Variants in EPHX2 observed in about 807,000 individuals in gnomAD.
The protein encoded by EPHX2 is epoxide hydrolase 2.
EPHX2 carries 74 observed loss-of-function variants against 78.7 expected under a neutral mutation model. The observed-to-expected ratio is 0.94, with a 90% confidence interval of 0.78 to 1.14. The LOEUF (loss-of-function observed/expected upper bound fraction) is 1.14. Among genes scored for constraint, EPHX2 ranks in the 50% most tolerant of loss-of-function variants. The pLI is 0.00. For synonymous variants in EPHX2, 251 were observed against 255.2 expected, an observed-to-expected ratio of 0.98 and a Z score of 0.16; for missense variants, 715 against 702.5, an observed-to-expected ratio of 1.02 and a Z score of -0.20.
chr8:27,510,255 C>A (rs1814188491), intron 5 of EPHX2, among the ~76,000 whole-genome samples: 1 of 152,126 alleles, frequency 6.6e-6, no homozygotes, highest in South Asian at 2.1e-4. Flanking sequence ...TAAAAGTGAC[C>A]AATCCAGCAG....
At chr8:27,491,405 G>T (rs1813373949) in intron 1 of EPHX2, 96 bp downstream of exon 1, 2 of 910,182 alleles carry the variant, frequency 2.2e-6, no homozygotes, top group Admixed American at 7.3e-5. Context: ...CTCCTGTGCC[G>T]GAGCCCTGCG....
At position 27,544,431 on chromosome 8, in the gene EPHX2, C is replaced by T. The variant is rs747359301; in HGVS notation, c.1590-13C>T. 2 of 1,613,924 alleles carry T rather than the reference C, an allele frequency of 1.2e-6. No individual in the cohort carries two copies. Among genetic ancestry groups the T allele is most frequent in the African/African-American group, 2.7e-5 (2 of 74,880 alleles). On this transcript the variant is annotated splice_polypyrimidine_tract_variant and intron_variant, in intron 18 of 18. Coordinates refer to ENST00000521400, the MANE Select transcript of EPHX2 (RefSeq NM_001979.6). ...ATGGCTATTTTTTTCTTTTACTTCT[C>T]CCTTTCCCCCAGGCCAACCGAGGTG...
intron 1 of EPHX2, among the ~76,000 whole-genome samples, chr8:27,496,827 A>C (rs190799689): frequency 2.0e-5 from 3 of 152,172 alleles, no homozygotes; most frequent in Non-Finnish European, 1.5e-5. Context: ...TTGTCCTTTC[A>C]ATGCCCAGAC....
intron 11 of EPHX2, among the ~76,000 whole-genome samples, chr8:27,524,705 G>A (rs945375954): frequency 6.6e-6 from 1 of 152,098 alleles, no homozygotes; most frequent in Non-Finnish European, 1.5e-5. Flanking sequence ...ATTCTGAAAA[G>A]CCAAGTTCAA....
intron 1 of EPHX2, among the ~76,000 whole-genome samples, chr8:27,496,908 A>G (rs571194577): frequency 6.6e-6 from 1 of 152,282 alleles, no homozygotes; most frequent in African/African-American, 2.4e-5. Flanking sequence ...TATAGAGATA[A>G]TATCTCTAGC....
chr8:27,540,717 C>T, intron 15 of EPHX2, 61 bp downstream of exon 15: 1 of 1,526,428 alleles, frequency 6.6e-7, no homozygotes, highest in Non-Finnish European at 9.1e-7. Flanking sequence ...GGATCTTCAG[C>T]CCTCAGGGTG....
At chr8:27,523,846 G>A (rs1178879121) in intron 11 of EPHX2, among the ~76,000 whole-genome samples, 1 of 152,016 alleles carries the variant, frequency 6.6e-6, no homozygotes, top group Non-Finnish European at 1.5e-5. Context: ...TTACCCTGCA[G>A]ACTGCACAAC....
intron 8 of EPHX2, 134 bp downstream of exon 8, chr8:27,516,532 C>A (rs990317155): frequency 2.5e-6 from 2 of 804,842 alleles, no homozygotes; most frequent in Non-Finnish European, 4.1e-6. Flanking sequence ...TCACCTCTTT[C>A]CTCTCCTACG....
At chr8:27,544,409 G>A (rs1251991178) in intron 18 of EPHX2, 35 bp from the exon 19 acceptor site, 1 of 1,612,502 alleles carries the variant, frequency 6.2e-7, no homozygotes, top group African/African-American at 1.3e-5. Context: ...AGTGTGAATG[G>A]CTATTTTTTT....
chr8:27,516,419 C>T, intron 8 of EPHX2, 21 bp downstream of exon 8: 2 of 1,609,378 alleles, frequency 1.2e-6, no homozygotes, highest in Non-Finnish European at 1.7e-6. Context: ...TGTCTTGCAG[C>T]TGTCTTATGC....
intron 5 of EPHX2, 113 bp from the exon 6 acceptor site, chr8:27,511,723 G>T: frequency 9.2e-7 from 1 of 1,091,358 alleles, no homozygotes; most frequent in South Asian, 1.3e-5. Flanking sequence ...GGAGGGCTCA[G>T]GATGGAGTGG....
chr8:27,525,107 T>TGTGTGTGTGCGC (rs1491544464), intron 11 of EPHX2, among the ~76,000 whole-genome samples: 2 of 103,494 alleles, frequency 1.9e-5, no homozygotes, highest in African/African-American at 7.2e-5. Context: ...TGTGTGTGTG[T>TGTGTGTGTGCGC]GCGCGCGCGC....
At chr8:27,512,082 A>T (rs2132737135) in intron 6 of EPHX2, 172 bp downstream of exon 6, 16 of 344,040 alleles carry the variant, frequency 4.7e-5, no homozygotes, top group Non-Finnish European at 5.3e-5. Context: ...TGGGCAACGG[A>T]GTGAAACCCT....
rs370872626 is a variant in EPHX2, at chr8:27,492,552, C to T, written c.101+1243C>T. ...GTGAGTGTTACACTCGTAAAGATGG[C>T]GCAGACCCAAAGAGTGAGTGATAGC... On this transcript the variant is annotated intron_variant, in intron 1 of 18. Transcript: ENST00000521400. 3.4e-4 allele frequency among the ~76,000 whole-genome samples: 51 copies of T among 152,160 alleles called. No homozygotes were observed. In the South Asian group the frequency reaches 6.9e-3, roughly 21 times the overall value.
At chr8:27,502,633 G>A (rs1813842770) in intron 2 of EPHX2, among the ~76,000 whole-genome samples, 1 of 152,110 alleles carries the variant, frequency 6.6e-6, no homozygotes, top group Admixed American at 6.5e-5. Context: ...CCTTCTTGCT[G>A]TATCCTCACA....
intron 10 of EPHX2, 55 bp downstream of exon 10, chr8:27,520,964 A>C: frequency 6.2e-7 from 1 of 1,610,766 alleles, no homozygotes; most frequent in Non-Finnish European, 8.5e-7. Context: ...GGCCTGGGTA[A>C]TTAAAGAAAA....
chr8:27,501,885 C>T (rs1490856276), intron 2 of EPHX2, among the ~76,000 whole-genome samples: 2 of 151,862 alleles, frequency 1.3e-5, no homozygotes, highest in Non-Finnish European at 2.9e-5. Flanking sequence ...CATGCTAAGG[C>T]TATTTACACT....
Position 27,544,621 on chromosome 8 carries a change from G to C in EPHX2, c.*99G>C. The C allele has an allele frequency of 1.7e-6, 2 of 1,188,912 alleles. No homozygotes were observed. 73.6% of individuals were successfully genotyped at this position (1,188,912 alleles called of 1,614,324 possible). On this transcript the variant is annotated 3_prime_UTR_variant, in exon 19 of 19. Coordinates refer to ENST00000521400, the MANE Select transcript of EPHX2 (RefSeq NM_001979.6). ...GGTGGCCTTACACACATCTTGCATG[G>C]ATGGCAGCATTGTTCTGAAGGGGTT...
At chr8:27,529,602 G>A (rs1444050503) in intron 12 of EPHX2, among the ~76,000 whole-genome samples, 2 of 152,084 alleles carry the variant, frequency 1.3e-5, no homozygotes, top group Non-Finnish European at 2.9e-5. Context: ...GAAACATATA[G>A]CAAGCTAGAG....
Sources: allele counts gnomAD v4.1 joint callset (sites outside exome capture counted in the v4.1 genomes callset), GRCh38; gene constraint gnomAD v4.1.1; transcripts MANE v1.5; gene names NCBI Gene and HGNC (gene_info 2026-07-23, HGNC 2026-07-21).